The following GNL3L variants were observed in gnomAD, a reference collection of about 807,000 sequenced individuals.
GNL3L encodes the protein guanine nucleotide-binding protein-like 3-like protein.
GNL3L carries 4 observed loss-of-function variants against 42.9 expected under a neutral mutation model. The ratio of observed to expected loss-of-function variants is 0.09; its 90% CI spans 0.05 to 0.21. The LOEUF is 0.21. Among genes scored for constraint, GNL3L ranks in the 10% least tolerant of loss-of-function variants. The pLI is 1.00. For synonymous variants in GNL3L, 159 were observed against 176.3 expected, an observed-to-expected ratio of 0.90 and a Z score of 0.78; for missense variants, 412 against 481.7, an observed-to-expected ratio of 0.86 and a Z score of 1.36.
Position 54,565,889 on chromosome X carries a change from C to T in GNL3L, c.*5287C>T, listed in dbSNP as rs1925414629. ...AGGTTGGAGTGTAGTGGTGCAATCT[C>T]GGCTCACTGCAACCTCTGCCTCCTG... On this transcript the variant is annotated 3_prime_UTR_variant, in exon 16 of 16. Coordinates refer to ENST00000360845, the MANE Select transcript of GNL3L (RefSeq NM_001184819.2). Among the ~76,000 whole-genome samples the T allele has an allele frequency of 1.0e-5, 1 of 96,914 alleles. No individual in the cohort carries two copies. Among genetic ancestry groups the T allele is most frequent in the East Asian group, 3.4e-4 (1 of 2,916 alleles). 84.2% of individuals were successfully genotyped at this position (96,914 alleles called of 115,157 possible). A position where few individuals can be genotyped will look rare whatever the true frequency, so the allele number is the denominator to read the frequency against.
At chrX:54,544,011 A>T in intron 7 of GNL3L, 1 of 347,230 alleles carries the variant, frequency 2.9e-6, no homozygotes, top group Non-Finnish European at 5.0e-6. Context: ...CTGAGGGAAC[A>T]GAGGCCCCTT....
chrX:54,573,950 T>C (rs771038092), intron 16 of GNL3L, among the ~76,000 whole-genome samples: 11 of 110,390 alleles, frequency 1.0e-4, no homozygotes, highest in African/African-American at 3.3e-4. Flanking sequence ...TGTATTCTTA[T>C]GAACTTTTGA....
intron 2 of GNL3L, among the ~76,000 whole-genome samples, chrX:54,533,886 A>G (rs1924342595): frequency 9.0e-6 from 1 of 111,008 alleles, no homozygotes; most frequent in Admixed American, 9.7e-5. Context: ...CGTTAAATAA[A>G]GTAGGATATA....
chrX:54,623,182 A>G (rs184874069), downstream of GNL3L, among the ~76,000 whole-genome samples: 379 of 112,181 alleles, frequency 3.4e-3, 2 homozygotes, highest in African/African-American at 0.012. Flanking sequence ...TTTTAAGATC[A>G]TTTTGACTAT....
At chrX:54,607,108 T>C (rs1926103999) in intron 16 of GNL3L, among the ~76,000 whole-genome samples, 2 of 82,546 alleles carry the variant, frequency 2.4e-5, no homozygotes, top group Non-Finnish European at 4.5e-5. Flanking sequence ...TTTCTTTCTT[T>C]CTTTCTTTCT....
Position 54,551,910 on chromosome X carries a change from A to T in GNL3L, c.1117A>T (p.Lys373Ter). ...LTAVAHRLGK[K>*]KKGGLYSQEQ... is the part of the protein sequence containing the mutation. ...GGCAGTGGCCCACCGTTTGGGGAAGAAGAAGAAGGGAGGCTTATATAGTCA... is the reference window on the plus strand; with the variant it reads ...GGCAGTGGCCCACCGTTTGGGGAAGTAGAAGAAGGGAGGCTTATATAGTCA... The change falls in exon 12 of 16, where the codon AAG becomes TAG. Residue 373 changes from lysine to a stop codon, truncating the protein, a stop_gained. Transcript: ENST00000360845. LOFTEE classifies it high-confidence loss of function. 8.3e-7 allele frequency: 1 copy of T among 1,211,813 alleles called. No homozygotes were observed. Among genetic ancestry groups the T allele is most frequent in the Non-Finnish European group, 1.1e-6 (1 of 895,269 alleles).
At chrX:54,622,866 C>T (rs1237127316), downstream of GNL3L, among the ~76,000 whole-genome samples, 1 of 111,423 alleles carries the variant, frequency 9.0e-6, no homozygotes, top group African/African-American at 3.3e-5. Context: ...ACATTTAGGT[C>T]ATTGATCAAT....
At chrX:54,586,424 A>G (rs759029501) in intron 16 of GNL3L, among the ~76,000 whole-genome samples, 54 of 111,815 alleles carry the variant, frequency 4.8e-4, no homozygotes, top group African/African-American at 1.7e-3. Context: ...TTAAGAGCCC[A>G]GCCCACAGCG....
At chrX:54,543,714 A>G (rs1368957244) in intron 7 of GNL3L, among the ~76,000 whole-genome samples, 1 of 111,692 alleles carries the variant, frequency 9.0e-6, no homozygotes, top group African/African-American at 3.3e-5. Flanking sequence ...ACACTGGATA[A>G]GTCATGCCAC....
At chrX:54,531,118 C>T (rs1924231766) in intron 1 of GNL3L, among the ~76,000 whole-genome samples, 1 of 111,873 alleles carries the variant, frequency 8.9e-6, no homozygotes, top group Non-Finnish European at 1.9e-5. Context: ...ACCCAACATG[C>T]TTCGAAGCAA....
At chrX:54,586,039 A>G (rs915421180) in intron 16 of GNL3L, among the ~76,000 whole-genome samples, 1 of 111,702 alleles carries the variant, frequency 9.0e-6, no homozygotes, top group Non-Finnish European at 1.9e-5. Flanking sequence ...GAACCAAAAT[A>G]GTGAGTAGAT....
At chrX:54,617,585 A>T (rs1926234680) in intron 16 of GNL3L, among the ~76,000 whole-genome samples, 2 of 111,659 alleles carry the variant, frequency 1.8e-5, no homozygotes, top group African/African-American at 6.5e-5. Flanking sequence ...CTGAATGTGT[A>T]CTCCCTTCCC....
chrX:54,626,156 A>G (rs1391427390), downstream of GNL3L, among the ~76,000 whole-genome samples: 1 of 111,324 alleles, frequency 9.0e-6, no homozygotes, highest in Non-Finnish European at 1.9e-5. Flanking sequence ...GTAATTTCGT[A>G]TCTGTTAACC....
intron 9 of GNL3L, among the ~76,000 whole-genome samples, chrX:54,549,982 CAG>C (rs1924885734): frequency 9.1e-6 from 1 of 109,480 alleles, no homozygotes; most frequent in Non-Finnish European, 1.9e-5. Context: ...CAGAGGCTGA[CAG>C]GAGTTGGCAT....
In GNL3L at chrX:54,607,020, C is replaced by CT. The variant is rs1272083680; in HGVS notation, c.*46-13822dup. On this transcript the variant is annotated intron_variant, in intron 16 of 16. Transcript: ENST00000674498. ...CCTTTCTTTCTTTCTTTCTTTCTTT[C>CT]TTTCTTTCTTTCTTTCTTTCTTTCT... Among the ~76,000 whole-genome samples, 81 of 56,190 alleles carry CT rather than the reference C, an allele frequency of 1.4e-3. 8 individuals carry two copies. The highest frequency in any genetic ancestry group is 0.011 in the African/African-American group (79 of 7,005). 48.8% of individuals were successfully genotyped at this position (56,190 alleles called of 115,157 possible).
chrX:54,536,413 T>C (rs1924425808), intron 2 of GNL3L, among the ~76,000 whole-genome samples: 1 of 111,120 alleles, frequency 9.0e-6, no homozygotes, highest in Admixed American at 9.7e-5. Flanking sequence ...GTAGATTTCC[T>C]GCCCACCACT....
rs1314239237 is a variant in GNL3L, at chrX:54,556,978, C to T, written c.1447-1458C>T. Among the ~76,000 whole-genome samples the T allele has an allele frequency of 5.4e-5, 6 of 110,230 alleles. 1 individual carries two copies. The highest frequency in any genetic ancestry group is 3.9e-4 in the Admixed American group (4 of 10,315). On this transcript the variant is annotated intron_variant, in intron 14 of 15. Coordinates refer to ENST00000360845, the MANE Select transcript of GNL3L (RefSeq NM_001184819.2). Reference sequence around the variant, plus strand: ...GGTGGATCACCTGAGGTCAGGAGTTCGAGGCCAGCCTGGCCAACATGGTGA... The same window carrying T: ...GGTGGATCACCTGAGGTCAGGAGTTTGAGGCCAGCCTGGCCAACATGGTGA...
chrX:54,556,027 A>G (rs760050938), intron 14 of GNL3L, among the ~76,000 whole-genome samples: 1 of 110,361 alleles, frequency 9.1e-6, no homozygotes, highest in African/African-American at 3.3e-5. Flanking sequence ...CCGCACTGTG[A>G]TGGGAGACAC....
chrX:54,613,168 G>A (rs777703099), intron 16 of GNL3L, among the ~76,000 whole-genome samples: 1 of 111,102 alleles, frequency 9.0e-6, no homozygotes, highest in Admixed American at 9.6e-5. Flanking sequence ...AGGTTAATTC[G>A]AAGACCTTGT....
Sources: allele counts gnomAD v4.1 joint callset (sites outside exome capture counted in the v4.1 genomes callset), GRCh38; gene constraint gnomAD v4.1.1; transcripts MANE v1.5; gene names NCBI Gene and HGNC (gene_info 2026-07-23, HGNC 2026-07-21).